Variants in ACOXL observed in about 807,000 individuals in gnomAD.
ACOXL encodes acyl-CoA oxidase like.
Under a neutral mutation model 71.9 loss-of-function variants are expected in ACOXL, and 70 were observed. That is an observed-to-expected ratio of 0.97 (90% CI 0.80 to 1.19). The LOEUF (loss-of-function observed/expected upper bound fraction) is 1.19. Among genes scored for constraint, ACOXL ranks in the 50% most tolerant of loss-of-function variants. ACOXL has a pLI of 0.00. For missense variants in ACOXL, 703 were observed against 736.3 expected, an observed-to-expected ratio of 0.95 and a Z score of 0.52; for synonymous variants, 253 against 281.6, an observed-to-expected ratio of 0.90 and a Z score of 1.02.
intron 15 of ACOXL, 77 bp downstream of exon 15, chr2:111,031,791 G>A: frequency 7.1e-7 from 1 of 1,415,440 alleles, no homozygotes. Context: ...AGCTCTGCAG[G>A]GAAAGGACAG....
chr2:111,056,089 G>T (rs1239342086), intron 16 of ACOXL, among the ~76,000 whole-genome samples: 1 of 151,996 alleles, frequency 6.6e-6, no homozygotes, highest in Non-Finnish European at 1.5e-5. Context: ...TAAGGGAAAA[G>T]ATTTGGAGGC....
At chr2:110,733,597 T>A (rs1193166921) in intron 1 of ACOXL, among the ~76,000 whole-genome samples, 1 of 152,164 alleles carries the variant, frequency 6.6e-6, no homozygotes, top group Non-Finnish European at 1.5e-5. Context: ...TGGTTAGCCA[T>A]GCCCACTTAG....
intron 12 of ACOXL, among the ~76,000 whole-genome samples, chr2:110,959,730 G>C (rs1268897968): frequency 6.6e-6 from 1 of 152,162 alleles, no homozygotes; most frequent in Non-Finnish European, 1.5e-5. Context: ...CCCAGGATCA[G>C]CATTCAGCAC....
intron 1 of ACOXL, among the ~76,000 whole-genome samples, chr2:110,767,694 CATGTCACTCCCTTGCCCCT>C (rs1444458014): frequency 6.6e-6 from 1 of 152,214 alleles, no homozygotes; most frequent in Non-Finnish European, 1.5e-5. Flanking sequence ...TTGCAACACG[CATGTCACTCCCTTGCCCCT>C]ATCTCCCAAA....
At chr2:110,955,970 G>T (rs2061486958) in intron 12 of ACOXL, among the ~76,000 whole-genome samples, 1 of 119,596 alleles carries the variant, frequency 8.4e-6, no homozygotes. Flanking sequence ...ATGGAGTCTC[G>T]CTCTGTTGCC....
chr2:110,846,641 GCACACACACACACACACACACA>G (rs61028803), intron 10 of ACOXL, among the ~76,000 whole-genome samples: 2 of 137,928 alleles, frequency 1.5e-5, no homozygotes, highest in African/African-American at 5.4e-5. Context: ...ATGCATACAC[GCACACACACACACACACACACA>G]CACACACACA....
At chr2:111,066,661 CAA>C (rs1210642983) in intron 16 of ACOXL, among the ~76,000 whole-genome samples, 1 of 151,972 alleles carries the variant, frequency 6.6e-6, no homozygotes, top group Non-Finnish European at 1.5e-5. Context: ...GCACTGAAAA[CAA>C]AGTTTTTCAG....
chr2:110,776,286 G>T (rs1682637726), intron 2 of ACOXL, among the ~76,000 whole-genome samples: 1 of 152,190 alleles, frequency 6.6e-6, no homozygotes. Flanking sequence ...GGGAGTTAGT[G>T]TTTAATGGGT....
At chr2:111,007,829 A>T (rs2063948521) in intron 14 of ACOXL, among the ~76,000 whole-genome samples, 1 of 152,232 alleles carries the variant, frequency 6.6e-6, no homozygotes, top group African/African-American at 2.4e-5. Context: ...GTATGCACGT[A>T]TATTAGAAAT....
intron 16 of ACOXL, among the ~76,000 whole-genome samples, chr2:111,082,416 G>A (rs1337593033): frequency 1.3e-5 from 2 of 151,716 alleles, no homozygotes; most frequent in Non-Finnish European, 1.5e-5. Context: ...CAACAAACGT[G>A]AAAAAAAGCT....
At chr2:110,815,934 G>A (rs889074667) in intron 9 of ACOXL, among the ~76,000 whole-genome samples, 4 of 152,302 alleles carry the variant, frequency 2.6e-5, no homozygotes, top group East Asian at 1.9e-4. Flanking sequence ...GGATGAACAG[G>A]ACCTGGTACT....
intron 8 of ACOXL, among the ~76,000 whole-genome samples, chr2:110,803,940 C>T (rs950208700): frequency 3.3e-5 from 5 of 150,432 alleles, no homozygotes; most frequent in East Asian, 2.0e-4. Flanking sequence ...TAGGAAGATA[C>T]GAATCAAAAC....
intron 11 of ACOXL, among the ~76,000 whole-genome samples, chr2:110,931,101 T>G (rs1412482789): frequency 1.3e-5 from 2 of 152,240 alleles, no homozygotes; most frequent in Admixed American, 6.5e-5. Context: ...TAATTTATCT[T>G]TTGGGCCACG....
chr2:110,976,570 G>A (rs1362883148), intron 12 of ACOXL, among the ~76,000 whole-genome samples: 1 of 152,204 alleles, frequency 6.6e-6, no homozygotes, highest in Non-Finnish European at 1.5e-5. Flanking sequence ...CTGCAGGAAA[G>A]CATTCAAGAA....
intron 9 of ACOXL, among the ~76,000 whole-genome samples, chr2:110,834,883 C>T (rs976634390): frequency 7.2e-5 from 11 of 152,212 alleles, no homozygotes; most frequent in African/African-American, 2.4e-4. Flanking sequence ...AAATGAGAGA[C>T]AAAGCAAGTC....
At chr2:111,018,044 A>G (rs2064547111) in intron 14 of ACOXL, 1 of 152,222 alleles carries the variant, frequency 6.6e-6, no homozygotes, top group South Asian at 2.1e-4. Flanking sequence ...TGAAACTTCA[A>G]ATATATAGCT....
intron 15 of ACOXL, among the ~76,000 whole-genome samples, chr2:111,048,472 G>A (rs572822196): frequency 6.6e-6 from 1 of 152,306 alleles, no homozygotes; most frequent in East Asian, 1.9e-4. Context: ...ATGAAACAAT[G>A]TAGTCAACAC....
In ACOXL at chr2:110,919,454, G is replaced by A. The variant is rs915746614; in HGVS notation, c.905+10549G>A. Reference sequence around the variant, plus strand: ...GATAGCATTAGGAGAAATACCTAATGTAGATGATGGGTTGATGGGTGCAGC... The same window carrying A: ...GATAGCATTAGGAGAAATACCTAATATAGATGATGGGTTGATGGGTGCAGC... On this transcript the variant is annotated intron_variant, in intron 11 of 17. Transcript: ENST00000439055. 3.3e-5 allele frequency among the ~76,000 whole-genome samples: 5 copies of A among 152,112 alleles called. No homozygotes were observed. The South Asian group carries it at 8.3e-4, about 25-fold the overall frequency.
At chr2:110,875,716 T>G (rs1695817669) in intron 10 of ACOXL, among the ~76,000 whole-genome samples, 1 of 152,256 alleles carries the variant, frequency 6.6e-6, no homozygotes, top group South Asian at 2.1e-4. Flanking sequence ...TGCCTGATCC[T>G]GGTGCTGTGG....
Sources: allele counts gnomAD v4.1 joint callset (sites outside exome capture counted in the v4.1 genomes callset), GRCh38; gene constraint gnomAD v4.1.1; transcripts MANE v1.5; gene names NCBI Gene and HGNC (gene_info 2026-07-23, HGNC 2026-07-21).